Variants in KIAA1671 observed in about 807,000 individuals in gnomAD.
KIAA1671 encodes the protein KIAA1671.
Under a neutral mutation model 131.2 loss-of-function variants are expected in KIAA1671, and 52 were observed. The observed-to-expected ratio is 0.40, with a 90% CI of 0.32 to 0.50. The LOEUF is 0.50. KIAA1671 is among the 20% of genes least tolerant of loss of function. The pLI is 0.73. For missense variants in KIAA1671, 2,360 were observed against 2,364.2 expected, an observed-to-expected ratio of 1.00 and a Z score of 0.04; for synonymous variants, 1,003 against 961.6, an observed-to-expected ratio of 1.04 and a Z score of -0.80.
intron 6 of KIAA1671, chr22:25,058,394 G>T (rs1927969933): frequency 6.6e-6 from 1 of 152,104 alleles, no homozygotes; most frequent in Admixed American, 6.6e-5. Context: ...GATTTTCTCA[G>T]TTTTAATGTT....
In KIAA1671 at chr22:25,039,606, G is replaced by A. The variant is rs1296566099; in HGVS notation, c.2476G>A (p.Ala826Thr). Residue 826 changes from alanine (A) to threonine (T), a missense_variant, in exon 5 of 13, where the codon GCA becomes ACA. By Grantham distance (58) the Ala-to-Thr change is moderately conservative. This residue lies in a region of KIAA1671 where 1,185 missense variants were observed against 1,126.2 expected (regional missense o/e 1.05). Coordinates refer to ENST00000358431, the MANE Select transcript of KIAA1671 (RefSeq NM_001145206.2). ...NCPFPKWTGG[A>T]VVSSHKATVA... ...CCCGTTTCCCAAATGGACAGGCGGG[G>A]CAGTGGTGAGCTCGCACAAAGCCAC... is the stretch of plus-strand genomic sequence containing the variant. 6 of 1,551,340 alleles carry A rather than the reference G, an allele frequency of 3.9e-6. No homozygotes were observed. The highest frequency in any genetic ancestry group is 5.2e-6 in the Non-Finnish European group (6 of 1,146,708).
chr22:25,039,356 T>A lies in KIAA1671; in HGVS notation c.2226T>A (p.Arg742=). ...ACATTGTGCATGCAGTGGGAGAGCGTGTGCACAGCGAGGCCATCTCACCGG... is the reference window on the plus strand; with the variant it reads ...ACATTGTGCATGCAGTGGGAGAGCGAGTGCACAGCGAGGCCATCTCACCGG... ...RYDIVHAVGE[R]VHSEAISPAP... is the part of the protein sequence containing the mutation. Residue 742 remains arginine (R), a synonymous_variant, in exon 5 of 13, where the codon CGT becomes CGA. Transcript: ENST00000358431. 6.4e-7 allele frequency: 1 copy of A among 1,551,880 alleles called. No homozygotes were observed. Among genetic ancestry groups the A allele is most frequent in the South Asian group, 1.2e-5 (1 of 84,060 alleles).
chr22:25,089,703 G>A (rs777529071), intron 6 of KIAA1671, among the ~76,000 whole-genome samples: 4 of 152,112 alleles, frequency 2.6e-5, no homozygotes, highest in Non-Finnish European at 5.9e-5. Context: ...CTTTGTTAAT[G>A]GCTTTATATT....
chr22:25,016,666 G>A (rs1925342562), intron 1 of KIAA1671, among the ~76,000 whole-genome samples: 1 of 152,170 alleles, frequency 6.6e-6, no homozygotes, highest in Non-Finnish European at 1.5e-5. Context: ...AAAGATTAGT[G>A]GTTGCCACGG....
rs1926149491 is a variant in KIAA1671, at chr22:25,029,459, C to G, written c.1460C>G (p.Thr487Ser). ...VSVQERIRGW[T>S]AESSEAKPEV... The stretch of plus-strand genomic sequence containing the variant: ...GTTCAGGAACGGATCAGAGGCTGGA[C>G]TGCCGAGAGCTCAGAGGCTAAGCCC... Residue 487 changes from threonine to serine, a missense_variant, in exon 3 of 13, where the codon ACT becomes AGT. Physicochemically the swap from Thr to Ser is moderately conservative, Grantham distance 58 (BLOSUM62 1). Around this residue, in one of 3 missense-constraint regions of KIAA1671, gnomAD observed 1,185 missense variants for 1,126.2 expected, o/e 1.05. Coordinates refer to ENST00000358431, the MANE Select transcript of KIAA1671 (RefSeq NM_001145206.2). The G allele has an allele frequency of 6.4e-6, 10 of 1,551,210 alleles. No individual in the cohort carries two copies. The highest frequency in any genetic ancestry group is 5.9e-5 in the Admixed American group (3 of 50,980).
chr22:25,078,897 G>A (rs1356477633), intron 6 of KIAA1671, among the ~76,000 whole-genome samples: 6 of 152,154 alleles, frequency 3.9e-5, no homozygotes, highest in Non-Finnish European at 4.4e-5. Context: ...CGGGCTTGGA[G>A]TCAGTCTCTC....
chr22:25,058,662 C>T (rs187413063), intron 6 of KIAA1671: 43 of 152,172 alleles, frequency 2.8e-4, no homozygotes, highest in African/African-American at 9.4e-4. Flanking sequence ...TTTCCATGGT[C>T]CGGTGATCTG....
chr22:25,112,608 C>T (rs1464506133), intron 6 of KIAA1671: 2 of 390,370 alleles, frequency 5.1e-6, no homozygotes, highest in South Asian at 2.9e-4. Context: ...CACTTCCTGT[C>T]CCCTGTACCT....
At chr22:24,977,770 G>T (rs980903329) in intron 1 of KIAA1671, among the ~76,000 whole-genome samples, 5 of 152,202 alleles carry the variant, frequency 3.3e-5, no homozygotes, top group Admixed American at 1.3e-4. Context: ...TCTGGGCAGG[G>T]ACATTTTATT....
At chr22:25,132,121 A>G (rs1371464145) in intron 6 of KIAA1671, among the ~76,000 whole-genome samples, 1 of 152,198 alleles carries the variant, frequency 6.6e-6, no homozygotes, top group African/African-American at 2.4e-5. Flanking sequence ...TTGGATCCCC[A>G]CTTGTTTTAA....
chr22:25,029,032 CTGGAGGTGGCCAAGAAA>C lies in KIAA1671; in HGVS notation c.1034_1050del (p.Leu345HisfsTer3). ...TCTTCATGATCCTGATTTGGACTTC[CTGGAGGTGGCCAAGAAA>C]ATCCGTGAACGGAAGGAGAAGATGC... On this transcript the variant is annotated frameshift_variant, in exon 3 of 13. Coordinates refer to ENST00000358431, the MANE Select transcript of KIAA1671 (RefSeq NM_001145206.2). LOFTEE classifies it high-confidence loss of function. 1 of 1,505,854 alleles carries C rather than the reference CTGGAGGTGGCCAAGAAA, an allele frequency of 6.6e-7. No homozygotes were observed. Among genetic ancestry groups the C allele is most frequent in the Non-Finnish European group, 8.9e-7 (1 of 1,126,568 alleles). The allele number at this position is 1,505,854 out of a possible 1,614,324, so 93.3% of individuals were successfully genotyped here.
Position 25,038,824 on chromosome 22 carries a change from T to C in KIAA1671, c.1694T>C (p.Leu565Pro), listed in dbSNP as rs1391347032. The C allele has an allele frequency of 6.4e-7, 1 of 1,551,776 alleles. No individual in the cohort carries two copies. Among genetic ancestry groups the C allele is most frequent in the South Asian group, 1.2e-5 (1 of 84,042 alleles). ...AGAAGCCCCTGGAAGCCTGGGACAC[T>C]CCGGGATAAGTCCAGGCAGACGGAG... ...IPRSPWKPGTLRDKSRQTEQK... is the reference protein window; with the variant it reads ...IPRSPWKPGTPRDKSRQTEQK... Residue 565 changes from leucine to proline, a missense_variant, in exon 5 of 13, where the codon CTC becomes CCC. Leu to Pro is a moderately conservative substitution (Grantham distance 98). Around this residue, in one of 3 missense-constraint regions of KIAA1671, gnomAD observed 1,185 missense variants for 1,126.2 expected, o/e 1.05. Transcript: ENST00000358431.
chr22:25,167,644 G>A (rs1291736409), intron 6 of KIAA1671, among the ~76,000 whole-genome samples: 1 of 152,204 alleles, frequency 6.6e-6, no homozygotes, highest in African/African-American at 2.4e-5. Context: ...TGAGTAAGGT[G>A]TTATGTTGTA....
At chr22:25,013,767 G>A (rs1163628312) in intron 1 of KIAA1671, 2 of 152,170 alleles carry the variant, frequency 1.3e-5, no homozygotes, top group Non-Finnish European at 2.9e-5. Context: ...CTCTGGGCTG[G>A]TTCCAGACTC....
rs116390660 is a variant in KIAA1671, at chr22:25,131,258, C to T, written c.4531-39562C>T. ...GCTCAGGGAACACACCTACAGCCTG[C>T]GAAGGTCCCTTTTCCCTCCCTGCCC... On this transcript the variant is annotated intron_variant, in intron 6 of 12. Transcript: ENST00000358431. 1.9e-3 allele frequency among the ~76,000 whole-genome samples: 294 copies of T among 152,320 alleles called. 1 individual carries two copies. The highest frequency in any genetic ancestry group is 6.8e-3 in the African/African-American group (282 of 41,572).
intron 6 of KIAA1671, among the ~76,000 whole-genome samples, chr22:25,150,573 C>T (rs990080818): frequency 1.3e-5 from 2 of 152,154 alleles, no homozygotes; most frequent in African/African-American, 4.8e-5. Context: ...GCCTAATCTG[C>T]CTGCTCCTCA....
At chr22:25,005,437 G>C (rs904504104) in intron 1 of KIAA1671, among the ~76,000 whole-genome samples, 1 of 151,974 alleles carries the variant, frequency 6.6e-6, no homozygotes, top group African/African-American at 2.4e-5. Context: ...GATTTTCCTA[G>C]TGCTTGTATG....
rs531251373 is a variant in KIAA1671 at position 25,094,097 on chromosome 22, G to A, written c.4530+44733G>A. On this transcript the variant is annotated intron_variant, in intron 6 of 12. Transcript: ENST00000358431. ...AACTTAAAGCATCGTTCTTGTTTTC[G>A]AAGAAAGCGAACCATCAACTCAGAC... 8.3e-4 allele frequency among the ~76,000 whole-genome samples: 126 copies of A among 152,214 alleles called. 1 individual carries two copies. The highest frequency in any genetic ancestry group is 2.9e-3 in the African/African-American group (122 of 41,524).
chr22:25,012,648 A>T (rs1407795140), intron 1 of KIAA1671: 1 of 152,188 alleles, frequency 6.6e-6, no homozygotes, highest in African/African-American at 2.4e-5. Context: ...AAACAAAACC[A>T]GTGTTGCTTG....
Sources: gnomAD v4.1 joint callset for allele counts (sites outside exome capture counted in the v4.1 genomes callset) on GRCh38, gnomAD v4.1.1 for gene constraint, gnomAD v4.1.1 regional missense constraint, MANE v1.5 for transcripts, NCBI Gene and HGNC (gene_info 2026-07-23, HGNC 2026-07-21) for gene names.